TYW1B: variants seen among roughly 807,000 people sequenced by gnomAD.
The protein encoded by TYW1B is tRNA-yW synthesizing protein 1 homolog B, also known as S-adenosyl-L-methionine-dependent tRNA 4-demethylwyosine synthase TYW1B.
TYW1B carries 73 observed loss-of-function variants against 86.9 expected under a neutral mutation model. The ratio of observed to expected loss-of-function variants is 0.84; its 90% CI spans 0.70 to 1.02. The LOEUF is 1.02. Ranked by LOEUF, TYW1B falls within the 50% of genes least tolerant of loss-of-function variation. The probability of loss-of-function intolerance (pLI) is 0.00; values close to 1 mark genes in which losing one functional copy is unlikely to be tolerated. For missense variants in TYW1B, 637 were observed against 827.4 expected, an observed-to-expected ratio of 0.77 and a Z score of 2.82; for synonymous variants, 248 against 292.8, an observed-to-expected ratio of 0.85 and a Z score of 1.56.
intron 6 of TYW1B, among the ~76,000 whole-genome samples, chr7:72,796,967 C>T (rs1312598876): frequency 2.5e-5 from 2 of 80,576 alleles, no homozygotes; most frequent in African/African-American, 3.6e-5. Context: ...CTATGCCCAG[C>T]TAATTTTTGT....
Position 72,624,362 on chromosome 7 carries a change from C to T in TYW1B, c.1617+4525G>A, listed in dbSNP as rs566545959. 4.7e-4 allele frequency among the ~76,000 whole-genome samples: 71 copies of T among 152,274 alleles called. 1 individual carries two copies. The South Asian group carries it at 1.0e-2, about 21-fold the overall frequency. On this transcript the variant is annotated intron_variant, in intron 12 of 13. Coordinates refer to ENST00000620995, the MANE Select transcript of TYW1B (RefSeq NM_001145440.3). ...CTTCTCCCAAATAGGTCACTGTAAA[C>T]AATCTGACAGATATCCTTCCATACT...
intron 7 of TYW1B, among the ~76,000 whole-genome samples, chr7:72,752,780 ACT>A (rs140500680): frequency 0.012 from 1,893 of 152,248 alleles, 37 homozygotes; most frequent in African/African-American, 0.043. Context: ...CAACTTGTAC[ACT>A]TTAAATATGT....
At chr7:72,656,721 T>G (rs1188335990) in intron 11 of TYW1B, among the ~76,000 whole-genome samples, 1 of 152,182 alleles carries the variant, frequency 6.6e-6, no homozygotes, top group Non-Finnish European at 1.5e-5. Flanking sequence ...TGCTGCGACC[T>G]GCTTCTGGTG....
At chr7:72,597,101 A>G (rs1184984273) in intron 13 of TYW1B, among the ~76,000 whole-genome samples, 4 of 152,008 alleles carry the variant, frequency 2.6e-5, no homozygotes, top group African/African-American at 9.7e-5. Flanking sequence ...GTCTCAAAAA[A>G]TACTCCAGAT....
At chr7:72,735,025 A>T (rs1330167194) in intron 8 of TYW1B, among the ~76,000 whole-genome samples, 1 of 152,214 alleles carries the variant, frequency 6.6e-6, no homozygotes, top group African/African-American at 2.4e-5. Context: ...TACCACAGTC[A>T]TTAGGGAAAA....
intron 11 of TYW1B, among the ~76,000 whole-genome samples, chr7:72,642,194 T>C (rs1812816176): frequency 6.6e-6 from 1 of 152,190 alleles, no homozygotes; most frequent in Non-Finnish European, 1.5e-5. Context: ...ACCTCTCACA[T>C]TGTCCACCAA....
At chr7:72,817,635 G>A (rs1788748999) in intron 2 of TYW1B, among the ~76,000 whole-genome samples, 1 of 151,984 alleles carries the variant, frequency 6.6e-6, no homozygotes, top group Non-Finnish European at 1.5e-5. Flanking sequence ...TTCTTCACAT[G>A]TTGAACAAAG....
chr7:72,748,073 G>A (rs1414738191), intron 7 of TYW1B, among the ~76,000 whole-genome samples: 22 of 151,986 alleles, frequency 1.4e-4, no homozygotes, highest in South Asian at 4.1e-4. Flanking sequence ...GATCGAGACC[G>A]TCCTGGCTAA....
intron 7 of TYW1B, among the ~76,000 whole-genome samples, chr7:72,758,763 G>C (rs1585961896): frequency 6.6e-6 from 1 of 152,114 alleles, no homozygotes; most frequent in South Asian, 2.1e-4. Context: ...TACCTTTTCT[G>C]GAAAGTATTT....
At chr7:72,659,036 A>T (rs1183288238) in intron 11 of TYW1B, among the ~76,000 whole-genome samples, 1 of 152,200 alleles carries the variant, frequency 6.6e-6, no homozygotes, top group African/African-American at 2.4e-5. Flanking sequence ...CATAAGATTT[A>T]AAAAGCATGC....
chr7:72,768,038 C>G (rs1554468860), intron 7 of TYW1B, among the ~76,000 whole-genome samples: 1 of 151,984 alleles, frequency 6.6e-6, no homozygotes, highest in African/African-American at 2.4e-5. Context: ...TCACTTGAGT[C>G]CAAGAGTTCA....
intron 2 of TYW1B, among the ~76,000 whole-genome samples, chr7:72,826,637 T>C (rs1788935061): frequency 1.3e-5 from 2 of 152,218 alleles, no homozygotes; most frequent in Admixed American, 1.3e-4. Context: ...AAAATCTTCC[T>C]GTATCTTAAA....
intron 11 of TYW1B, among the ~76,000 whole-genome samples, chr7:72,655,510 T>C (rs574705398): frequency 1.3e-5 from 2 of 151,972 alleles, no homozygotes; most frequent in Non-Finnish European, 2.9e-5. Flanking sequence ...GCATCCCCCA[T>C]GTTCTTCCAG....
Position 72,619,285 on chromosome 7 carries a change from G to A in TYW1B, c.1618-2446C>T, listed in dbSNP as rs1221338549. Among the ~76,000 whole-genome samples, 2 of 152,144 alleles carry A rather than the reference G, an allele frequency of 1.3e-5. 1 individual carries two copies. The highest frequency in any genetic ancestry group is 1.3e-4 in the Admixed American group (2 of 15,262). On this transcript the variant is annotated intron_variant, in intron 12 of 13. Coordinates refer to ENST00000620995, the MANE Select transcript of TYW1B (RefSeq NM_001145440.3). ...TGGCTTCCAGAGCATCAGGCAGTGA[G>A]CCCCTTTTGCTCAGTAACAGAGCTT...
At chr7:72,678,108 A>G (rs1485929347) in intron 11 of TYW1B, among the ~76,000 whole-genome samples, 1 of 152,224 alleles carries the variant, frequency 6.6e-6, no homozygotes, top group Non-Finnish European at 1.5e-5. Context: ...TATTAATTCT[A>G]TTTTTATTAA....
intron 11 of TYW1B, among the ~76,000 whole-genome samples, chr7:72,650,108 G>T (rs1398817148): frequency 1.3e-5 from 2 of 150,652 alleles, no homozygotes; most frequent in South Asian, 2.1e-4. Flanking sequence ...TAAAGACGGG[G>T]TTTCACCGTG....
intron 10 of TYW1B, among the ~76,000 whole-genome samples, chr7:72,705,308 C>G (rs1435878097): frequency 6.6e-6 from 1 of 152,172 alleles, no homozygotes; most frequent in Non-Finnish European, 1.5e-5. Flanking sequence ...GGGTGAATGT[C>G]TCAGCAAAAA....
At chr7:72,806,997 A>C (rs1788507505) in intron 5 of TYW1B, 69 bp downstream of exon 5, 1 of 1,547,580 alleles carries the variant, frequency 6.5e-7, no homozygotes, top group South Asian at 1.2e-5. Flanking sequence ...TTTATTGAGG[A>C]AGAGCTCAAG....
intron 11 of TYW1B, among the ~76,000 whole-genome samples, chr7:72,652,159 C>T (rs1332267776): frequency 2.6e-5 from 4 of 151,896 alleles, no homozygotes; most frequent in Admixed American, 6.6e-5. Context: ...AGGCGGATCA[C>T]GAGGTCAGGA....
Sources: gnomAD v4.1 joint callset for allele counts (sites outside exome capture counted in the v4.1 genomes callset) on GRCh38, gnomAD v4.1.1 for gene constraint, MANE v1.5 for transcripts, NCBI Gene and HGNC (gene_info 2026-07-23, HGNC 2026-07-21) for gene names.